Variants in PDCD6IP observed in about 807,000 individuals in gnomAD.
PDCD6IP encodes the protein programmed cell death 6 interacting protein.
PDCD6IP carries 43 observed loss-of-function variants against 103.7 expected under a neutral mutation model. The ratio of observed to expected loss-of-function variants is 0.41; its 90% CI spans 0.32 to 0.53. The LOEUF (loss-of-function observed/expected upper bound fraction) is 0.53. Among genes scored for constraint, PDCD6IP ranks in the 20% least tolerant of loss-of-function variants. The pLI, the probability that PDCD6IP is intolerant of heterozygous loss-of-function variation, is 0.16. For synonymous variants in PDCD6IP, 354 were observed against 378.7 expected, an observed-to-expected ratio of 0.93 and a Z score of 0.76; for missense variants, 871 against 1,036.7, an observed-to-expected ratio of 0.84 and a Z score of 2.20.
intron 12 of PDCD6IP, among the ~76,000 whole-genome samples, chr3:33,851,165 TG>T (rs1185603010): frequency 3.3e-5 from 5 of 151,958 alleles, no homozygotes; most frequent in Non-Finnish European, 1.5e-5. Context: ...GGGGAATCCA[TG>T]GGAATTGGAA....
At chr3:33,825,586 A>C (rs1697102611) in intron 5 of PDCD6IP, among the ~76,000 whole-genome samples, 1 of 152,204 alleles carries the variant, frequency 6.6e-6, no homozygotes, top group African/African-American at 2.4e-5. Flanking sequence ...CCATTCTGGA[A>C]TAGTATTTAT....
At chr3:33,836,397 A>G in intron 8 of PDCD6IP, 131 bp downstream of exon 8, 2 of 612,146 alleles carry the variant, frequency 3.3e-6, no homozygotes, top group South Asian at 4.1e-5. Flanking sequence ...TAAAATGAAT[A>G]TGAGAATAAA....
intron 15 of PDCD6IP, among the ~76,000 whole-genome samples, chr3:33,860,430 G>A (rs947785566): frequency 6.6e-6 from 1 of 152,184 alleles, no homozygotes; most frequent in African/African-American, 2.4e-5. Flanking sequence ...ACATAAGTGT[G>A]TATCTTGTTG....
intron 13 of PDCD6IP, among the ~76,000 whole-genome samples, chr3:33,853,545 T>C (rs1362843357): frequency 6.6e-6 from 1 of 152,218 alleles, no homozygotes; most frequent in Non-Finnish European, 1.5e-5. Flanking sequence ...ATTAAACATA[T>C]ATTTCTACTC....
intron 7 of PDCD6IP, among the ~76,000 whole-genome samples, chr3:33,831,010 A>G (rs551538523): frequency 2.6e-5 from 4 of 152,136 alleles, no homozygotes; most frequent in African/African-American, 7.2e-5. Flanking sequence ...ATAAAATCAC[A>G]ATCAGGAAAA....
At chr3:33,826,662 A>G in intron 6 of PDCD6IP, 82 bp downstream of exon 6, 1 of 1,556,062 alleles carries the variant, frequency 6.4e-7, no homozygotes, top group Non-Finnish European at 8.7e-7. Context: ...GCAAGTTGAA[A>G]CTTATAAAGA....
intron 12 of PDCD6IP, among the ~76,000 whole-genome samples, chr3:33,849,685 A>G (rs374135483): frequency 6.6e-6 from 1 of 152,234 alleles, no homozygotes; most frequent in Non-Finnish European, 1.5e-5. Flanking sequence ...TCAAATTTGA[A>G]TTTATAAGAA....
At chr3:33,824,600 T>C (rs1697070636) in intron 4 of PDCD6IP, among the ~76,000 whole-genome samples, 1 of 152,208 alleles carries the variant, frequency 6.6e-6, no homozygotes, top group Non-Finnish European at 1.5e-5. Flanking sequence ...TTATTTCTTT[T>C]TCTTAGTATA....
chr3:33,825,125 G>T, intron 4 of PDCD6IP, 62 bp from the exon 5 acceptor site: 2 of 1,390,618 alleles, frequency 1.4e-6, no homozygotes, highest in Non-Finnish European at 2.0e-6. Context: ...ACTTTTATAT[G>T]TAACAGTAGG....
At position 33,825,210 on chromosome 3, in the gene PDCD6IP, T is replaced by C. The variant is rs1400923793; in HGVS notation, c.486T>C (p.His162=). The C allele has an allele frequency of 1.9e-6, 3 of 1,611,864 alleles. No individual in the cohort carries two copies. In the Admixed American group the frequency reaches 5.1e-5, roughly 27 times the overall value. ...HYQFASGAFL[H]IKETVLSALS... is the part of the protein sequence containing the mutation. ...AGTTTGCTAGTGGTGCCTTTTTACA[T>C]ATTAAAGAGACGGTTTTATCTGCCT... Residue 162 remains histidine (H), a synonymous_variant, in exon 5 of 18, where the codon CAT becomes CAC. Transcript: ENST00000307296.
rs1028898214 is a variant in PDCD6IP at position 33,868,858 on chromosome 3, G to A, written c.*2333G>A. On this transcript the variant is annotated 3_prime_UTR_variant, in exon 18 of 18. Coordinates refer to ENST00000307296, the MANE Select transcript of PDCD6IP (RefSeq NM_013374.6). Reference sequence around the variant, plus strand: ...GCATAGAGGAACTAGTCAGAAGTGGGGAAAACACTGTCTAATTTTTATCAG... The same window carrying A: ...GCATAGAGGAACTAGTCAGAAGTGGAGAAAACACTGTCTAATTTTTATCAG... 6.6e-6 allele frequency: 1 copy of A among 152,158 alleles called. No homozygotes were observed. Among genetic ancestry groups the A allele is most frequent in the Non-Finnish European group, 1.5e-5 (1 of 68,038 alleles). The allele number at this position is 152,158 out of a possible 1,614,324, so 9.4% of individuals were successfully genotyped here.
At chr3:33,863,853 C>T (rs1340311484) in intron 15 of PDCD6IP, 153 bp from the exon 16 acceptor site, 2 of 623,064 alleles carry the variant, frequency 3.2e-6, no homozygotes, top group African/African-American at 1.9e-5. Context: ...TCCATAGTCA[C>T]TGTACTAATT....
chr3:33,862,141 G>A (rs1186441969), intron 15 of PDCD6IP, among the ~76,000 whole-genome samples: 6 of 151,882 alleles, frequency 4.0e-5, no homozygotes, highest in African/African-American at 1.4e-4. Context: ...TATAATATAC[G>A]TATATATTTT....
At chr3:33,844,268 T>C in intron 11 of PDCD6IP, 45 bp downstream of exon 11, 1 of 1,084,538 alleles carries the variant, frequency 9.2e-7, no homozygotes, top group Non-Finnish European at 1.3e-6. Context: ...AATTCCCAAT[T>C]TCGACCCACG....
intron 9 of PDCD6IP, among the ~76,000 whole-genome samples, chr3:33,839,833 T>C (rs1175086760): frequency 1.3e-5 from 2 of 152,248 alleles, no homozygotes; most frequent in African/African-American, 4.8e-5. Context: ...TGATTTAGTT[T>C]GCATTCTCCT....
intron 6 of PDCD6IP, chr3:33,827,502 C>T (rs1430034965): frequency 6.6e-6 from 1 of 152,236 alleles, no homozygotes; most frequent in Non-Finnish European, 1.5e-5. Context: ...TGTGACGATT[C>T]CTGGGGATTT....
intron 1 of PDCD6IP, among the ~76,000 whole-genome samples, chr3:33,801,404 T>C (rs1321956422): frequency 6.6e-6 from 1 of 152,196 alleles, no homozygotes; most frequent in Non-Finnish European, 1.5e-5. Context: ...CATATATTGC[T>C]CCAGTGATAG....
At position 33,813,599 on chromosome 3, in the gene PDCD6IP, G is replaced by T. The variant is rs1393229903; in HGVS notation, c.305G>T (p.Gly102Val). 8.1e-6 allele frequency: 13 copies of T among 1,609,310 alleles called. No individual in the cohort carries two copies. The highest frequency in any genetic ancestry group is 1.3e-5 in the African/African-American group (1 of 74,908). The stretch of plus-strand genomic sequence containing the variant: ...ACCTGGAAGGATGCTTTCGATAAAG[G>T]TTCACTTTTTGGAGGCTCTGTAAAA... ...TFTWKDAFDK[G>V]SLFGGSVKLA... The change falls in exon 3 of 18, where the codon GGT becomes GTT. Residue 102 changes from glycine to valine, a missense_variant. Gly to Val is a moderately radical substitution (Grantham distance 109). Coordinates refer to ENST00000307296, the MANE Select transcript of PDCD6IP (RefSeq NM_013374.6).
At chr3:33,812,289 G>A (rs1238720561) in intron 2 of PDCD6IP, among the ~76,000 whole-genome samples, 163 bp downstream of exon 2, 3 of 152,142 alleles carry the variant, frequency 2.0e-5, no homozygotes, top group Non-Finnish European at 4.4e-5. Flanking sequence ...GAATCTCCTG[G>A]AATTCTGTTC....
Sources: gnomAD v4.1 joint callset for allele counts (sites outside exome capture counted in the v4.1 genomes callset) on GRCh38, gnomAD v4.1.1 for gene constraint, MANE v1.5 for transcripts, NCBI Gene and HGNC (gene_info 2026-07-23, HGNC 2026-07-21) for gene names.